The following ADAMTSL4 variants were observed in gnomAD, a reference collection of about 807,000 sequenced individuals.
ADAMTSL4 encodes ADAMTS-like protein 4.
Under a neutral mutation model 122.8 loss-of-function variants are expected in ADAMTSL4, and 97 were observed. The observed-to-expected ratio is 0.79, with a 90% CI of 0.67 to 0.93. The LOEUF is 0.93. Among genes scored for constraint, ADAMTSL4 ranks in the 40% least tolerant of loss-of-function variants. The pLI, the probability that ADAMTSL4 is intolerant of heterozygous loss-of-function variation, is 0.00. For synonymous variants in ADAMTSL4, 592 were observed against 568.0 expected (o/e 1.04, Z -0.60); for missense variants, 1,408 against 1,453.5 (o/e 0.97, Z 0.51).
Position 150,556,347 on chromosome 1 carries a change from G to C in ADAMTSL4, c.1557G>C (p.Arg519=). Residue 519 remains arginine, a synonymous_variant, in exon 9 of 19, where the codon CGG becomes CGC. Transcript: ENST00000271643. The surrounding 1 kb of genome is among the most constrained non-coding windows in gnomAD (Gnocchi z 4.1). ...TGCGGCTCCAGATTGCCCAGCTCCG[G>C]CCTAGCTCCAACTACCTGGGTGAGC... The part of the protein sequence containing the change: ...GALRLQIAQL[R]PSSNYLALRG... The C allele has an allele frequency of 6.2e-7, 1 of 1,614,004 alleles. No individual in the cohort carries two copies. The highest frequency in any genetic ancestry group is 8.5e-7 in the Non-Finnish European group (1 of 1,179,992).
Position 150,556,714 on chromosome 1 carries a change from A to ATAACC in ADAMTSL4, c.1671_1675dup (p.Arg559LeufsTer28), listed in dbSNP as rs1672167646. On this transcript the variant is annotated frameshift_variant, in exon 10 of 19. Coordinates refer to ENST00000271643, the MANE Select transcript of ADAMTSL4 (RefSeq NM_019032.6). LOFTEE classifies it high-confidence loss of function. The surrounding 1 kb of genome is among the most constrained non-coding windows in gnomAD (Gnocchi z 4.1). ...AGGGCCGGCGGGACCGTCTTTCGAT[A>ATAACC]TAACCGTCCTCCCAGGGAGGAGGGC... 1 of 1,613,990 alleles carries ATAACC rather than the reference A, an allele frequency of 6.2e-7. No individual in the cohort carries two copies. Among genetic ancestry groups the ATAACC allele is most frequent in the African/African-American group, 1.3e-5 (1 of 74,974 alleles).
At chr1:150,557,385 G>T in intron 12 of ADAMTSL4, 50 bp downstream of exon 12, 1 of 1,602,438 alleles carries the variant, frequency 6.2e-7, no homozygotes, top group Non-Finnish European at 8.5e-7. Flanking sequence ...CCCCCCAACT[G>T]ACACTCCCGC....
chr1:150,553,509 G>A lies in ADAMTSL4; in HGVS notation c.518G>A (p.Arg173Lys). Residue 173 changes from arginine to lysine, a missense_variant, in exon 6 of 19, where the codon AGG becomes AAG. By Grantham distance (26) the Arg-to-Lys change is conservative. Coordinates refer to ENST00000271643, the MANE Select transcript of ADAMTSL4 (RefSeq NM_019032.6). ...GCATTGCCACTGCACCGGAACCGCA[G>A]GCACCCTCGGAGCCCACCCAGATCT... Reference protein sequence around the residue: ...PFALPLHRNRRHPRSPPRSEL... With the variant: ...PFALPLHRNRKHPRSPPRSEL... The A allele has an allele frequency of 6.2e-7, 1 of 1,613,846 alleles. No homozygotes were observed. Among genetic ancestry groups the A allele is most frequent in the Non-Finnish European group, 8.5e-7 (1 of 1,179,948 alleles).
Position 150,559,246 on chromosome 1 carries a change from TCCTCC to T in ADAMTSL4, c.2764-31_2764-27del. 6.2e-7 allele frequency: 1 copy of T among 1,612,938 alleles called. No individual in the cohort carries two copies. Among genetic ancestry groups the T allele is most frequent in the Non-Finnish European group, 8.5e-7 (1 of 1,179,422 alleles). ...TTGTGGGCACTTGGGGTGCTCTCTGTCCTCCCCTCCCCTCATCACCCTGCCCTCCC... is the reference window on the plus strand; with the variant it reads ...TTGTGGGCACTTGGGGTGCTCTCTGTCCTCCCCTCATCACCCTGCCCTCCC... On this transcript the variant is annotated intron_variant, in intron 16 of 18. Coordinates refer to ENST00000271643, the MANE Select transcript of ADAMTSL4 (RefSeq NM_019032.6). The surrounding 1 kb of genome is among the most constrained non-coding windows in gnomAD (Gnocchi z 4.1).
chr1:150,553,090 C>G lies in ADAMTSL4; in HGVS notation c.271C>G (p.His91Asp). The G allele has an allele frequency of 6.2e-7, 1 of 1,613,398 alleles. No individual in the cohort carries two copies. Residue 91 changes from histidine (H) to aspartate (D), a missense_variant, in exon 5 of 19, where the codon CAT becomes GAT. Transcript: ENST00000271643. ...SLPLPPRPPR[H>D]PEALLPRGQG... is the part of the protein sequence containing the mutation. ...GCCCCTCCCTCCCCGGCCCCCAAGA[C>G]ATCCAGAAGCCCTCCTCCCCCGGGG...
chr1:150,553,177 G>A lies in ADAMTSL4; in HGVS notation c.358G>A (p.Gly120Arg). 1 of 1,610,172 alleles carries A rather than the reference G, an allele frequency of 6.2e-7. No individual in the cohort carries two copies. Among genetic ancestry groups the A allele is most frequent in the Non-Finnish European group, 8.5e-7 (1 of 1,178,026 alleles). The change falls in exon 5 of 19, where the codon GGA (glycine) becomes AGA (arginine). Residue 120 changes from glycine (G) to arginine (R), a missense_variant. Transcript: ENST00000271643. ...TLPLYRTQSR[G>R]RGGPLRGPAS... ...CCCCTTGTACAGGACACAGTCTCGG[G>A]GAAGGGGTGGCCCACTTCGAGGTCC...
In ADAMTSL4 at chr1:150,559,754, G is replaced by A. The variant is rs193025475; in HGVS notation, c.2944-7G>A. The A allele has an allele frequency of 1.8e-3, 2,945 of 1,613,726 alleles. 4 individuals are homozygous for A. Among genetic ancestry groups the A allele is most frequent in the Non-Finnish European group, 2.3e-3 (2,716 of 1,179,960 alleles). On this transcript the variant is annotated splice_polypyrimidine_tract_variant and splice_region_variant and intron_variant, in intron 17 of 18. Transcript: ENST00000271643. This position sits in a 1 kb window ranked among gnomAD's most constrained non-coding sequence, Gnocchi z 4.1. ...AAGGTCTGATATGATGGCTGGGGTC[G>A]CCCCAGTGTTCTCGCTCCTGCCAAG...
In ADAMTSL4 at chr1:150,552,294, G is replaced by A; in HGVS notation, c.6G>A (p.Glu2=). Residue 2 remains glutamate (E), a synonymous_variant, in exon 3 of 19, where the codon GAG becomes GAA. Coordinates refer to ENST00000271643, the MANE Select transcript of ADAMTSL4 (RefSeq NM_019032.6). The surrounding 1 kb of genome is among the most constrained non-coding windows in gnomAD (Gnocchi z 4.0). M[E]NWTGRPWLYL... The stretch of plus-strand genomic sequence containing the variant: ...GGGGCAGTAGAGGGGGAGCGATGGA[G>A]AACTGGACTGGCAGGTGAGAGAAGG... The A allele has an allele frequency of 1.3e-6, 2 of 1,555,892 alleles. No individual in the cohort carries two copies. Among genetic ancestry groups the A allele is most frequent in the Non-Finnish European group, 1.7e-6 (2 of 1,148,908 alleles).
Position 150,553,546 on chromosome 1 carries a change from G to T in ADAMTSL4, c.555G>T (p.Leu185=). 6.2e-7 allele frequency: 1 copy of T among 1,613,828 alleles called. No individual in the cohort carries two copies. Among genetic ancestry groups the T allele is most frequent in the Non-Finnish European group, 8.5e-7 (1 of 1,179,936 alleles). The change falls in exon 6 of 19, where the codon CTG becomes CTT. Residue 185 remains leucine, a synonymous_variant. Coordinates refer to ENST00000271643, the MANE Select transcript of ADAMTSL4 (RefSeq NM_019032.6). ...GCCCACCCAGATCTGAGCTGTCCCT[G>T]ATCTCTTCTAGAGGGGAAGAGGCTA... ...PRSPPRSELS[L]ISSRGEEAIP... is the part of the protein sequence containing the mutation.
chr1:150,553,951 G>A lies in ADAMTSL4; in HGVS notation c.960G>A (p.Gly320=), dbSNP rs779667773. Residue 320 remains glycine (G), a synonymous_variant, in exon 6 of 19, where the codon GGG becomes GGA. Transcript: ENST00000271643. ...GQQGQGPWGT[G]GTPHGPRLEP... is the part of the protein sequence containing the mutation. The stretch of plus-strand genomic sequence containing the variant: ...AGGGCCAAGGGCCTTGGGGAACGGG[G>A]GGGACTCCTCACGGGCCCCGCCTGG... 26 of 1,610,420 alleles carry A rather than the reference G, an allele frequency of 1.6e-5. No individual in the cohort carries two copies. Among genetic ancestry groups the A allele is most frequent in the Middle Eastern group, 3.3e-4 (2 of 6,054 alleles).
At position 150,559,765 on chromosome 1, in the gene ADAMTSL4, C is replaced by G; in HGVS notation, c.2948C>G (p.Ser983Cys). 1 of 1,613,916 alleles carries G rather than the reference C, an allele frequency of 6.2e-7. No homozygotes were observed. The highest frequency in any genetic ancestry group is 1.1e-5 in the South Asian group (1 of 91,084). The change falls in exon 18 of 19, where the codon TCT (serine) becomes TGT (cysteine). Residue 983 changes from serine (S) to cysteine (C), a missense_variant. Ser to Cys is a moderately radical substitution (Grantham distance 112). Transcript: ENST00000271643. This position sits in a 1 kb window ranked among gnomAD's most constrained non-coding sequence, Gnocchi z 4.1. ...RWFSTPWSPCSRSCQGGTQTR... is the reference protein window; with the variant it reads ...RWFSTPWSPCCRSCQGGTQTR... ...TGATGGCTGGGGTCGCCCCAGTGTT[C>G]TCGCTCCTGCCAAGGGGGAACGCAG...
intron 7 of ADAMTSL4, 152 bp from the exon 8 acceptor site, chr1:150,555,277 T>C: frequency 2.1e-6 from 2 of 971,262 alleles, no homozygotes; most frequent in Non-Finnish European, 3.0e-6. Context: ...CATGAGCCAC[T>C]GCGCCCGGCC....
At position 150,558,149 on chromosome 1, in the gene ADAMTSL4, G is replaced by A. The variant is rs764728346; in HGVS notation, c.2382G>A (p.Gln794=). 2.5e-6 allele frequency: 4 copies of A among 1,613,426 alleles called. No homozygotes were observed. Among genetic ancestry groups the A allele is most frequent in the Non-Finnish European group, 3.4e-6 (4 of 1,180,018 alleles). ...GHWEVGSPWS[Q]CSVRCGRGQR... ...GGGAAGTTGGCTCTCCTTGGAGCCA[G>A]GTGAGTTTGCCCAGGCAAGGAGGTG... The change falls in exon 14 of 19, where the codon CAG becomes CAA. Residue 794 remains glutamine (Q), a splice_region_variant and synonymous_variant. Transcript: ENST00000271643.
At position 150,554,243 on chromosome 1, in the gene ADAMTSL4, T is replaced by C; in HGVS notation, c.1131+121T>C. 1 of 1,439,546 alleles carries C rather than the reference T, an allele frequency of 6.9e-7. No homozygotes were observed. Among genetic ancestry groups the C allele is most frequent in the South Asian group, 1.1e-5 (1 of 87,306 alleles). 89.2% of individuals were successfully genotyped at this position (1,439,546 alleles called of 1,614,324 possible). ...AGAAGGGCCTTGGCATCTGACCACC[T>C]CAGGGCAGGGGTCTTGGAGCTCTTC... On this transcript the variant is annotated intron_variant, in intron 6 of 18. Coordinates refer to ENST00000271643, the MANE Select transcript of ADAMTSL4 (RefSeq NM_019032.6). This position sits in a 1 kb window ranked among gnomAD's most constrained non-coding sequence, Gnocchi z 4.0.
At chr1:150,550,408 G>C in intron 2 of ADAMTSL4, 1 of 435,082 alleles carries the variant, frequency 2.3e-6, no homozygotes. Flanking sequence ...GGGAGCTCAC[G>C]TCACCCCCAC....
At chr1:150,550,984 A>G (rs900796589) in intron 2 of ADAMTSL4, 25 of 456,022 alleles carry the variant, frequency 5.5e-5, no homozygotes, top group African/African-American at 4.4e-4. Context: ...CAGATCCAAC[A>G]GAAACAGATT....
Position 150,557,514 on chromosome 1 carries a change from C to T in ADAMTSL4, c.2068C>T (p.Leu690Phe). 6.2e-7 allele frequency: 1 copy of T among 1,612,966 alleles called. No homozygotes were observed. The highest frequency in any genetic ancestry group is 8.5e-7 in the Non-Finnish European group (1 of 1,179,876). Residue 690 changes from leucine to phenylalanine, a missense_variant, in exon 13 of 19, where the codon CTC becomes TTC. Leu to Phe is a conservative substitution (Grantham distance 22). Coordinates refer to ENST00000271643, the MANE Select transcript of ADAMTSL4 (RefSeq NM_019032.6). ...CTCAGGTGTCTGGCGCCCCATTTTC[C>T]TCTGCATCTCCCGTGAGTCGGGAGA... ...CGKGVWRPIF[L>F]CISRESGEEL...
intron 2 of ADAMTSL4, chr1:150,550,170 G>A (rs968605561): frequency 3.3e-5 from 15 of 455,052 alleles, no homozygotes; most frequent in Admixed American, 2.4e-4. Context: ...GGAGGAGCCC[G>A]CGTTTGTCCA....
At position 150,552,059 on chromosome 1, in the gene ADAMTSL4, A is replaced by G; in HGVS notation, c.-84-146A>G. ...GACCATGTAGCCTCTACAGATGGAC[A>G]AGGCAGTGATCCTCCCTGCTCCCAC... On this transcript the variant is annotated intron_variant, in intron 2 of 18. Transcript: ENST00000271643. This position sits in a 1 kb window ranked among gnomAD's most constrained non-coding sequence, Gnocchi z 4.0. 1 of 589,630 alleles carries G rather than the reference A, an allele frequency of 1.7e-6. No individual in the cohort carries two copies. The highest frequency in any genetic ancestry group is 3.0e-6 in the Non-Finnish European group (1 of 328,656). 36.5% of individuals were successfully genotyped at this position (589,630 alleles called of 1,614,324 possible).
Sources: gnomAD v4.1 joint callset for allele counts on GRCh38, gnomAD v4.1.1 for gene constraint, Gnocchi (gnomAD v3.1) non-coding constraint, MANE v1.5 for transcripts, NCBI Gene and HGNC (gene_info 2026-07-23, HGNC 2026-07-21) for gene names.